The following PDE10A variants were observed in gnomAD, a reference collection of about 807,000 sequenced individuals.
PDE10A encodes phosphodiesterase 10A.
A neutral mutation model predicts 97.7 loss-of-function variants in PDE10A; 39 were observed. The ratio of observed to expected loss-of-function variants is 0.40; its 90% CI spans 0.31 to 0.52. The LOEUF is 0.52. Among genes scored for constraint, PDE10A ranks in the 20% least tolerant of loss-of-function variants. PDE10A has a pLI of 0.56. For missense variants in PDE10A, 731 were observed against 1,047.8 expected (o/e 0.70, Z 4.17); for synonymous variants, 371 against 376.8 (o/e 0.98, Z 0.18).
intron 1 of PDE10A, chr6:165,894,368 C>T (rs1781884515): frequency 1.3e-5 from 6 of 456,052 alleles, no homozygotes; most frequent in Middle Eastern, 3.3e-4. Context: ...CAGAAGGCCT[C>T]GACAGGCCAG....
At chr6:165,933,060 G>A (rs1005400292) in intron 1 of PDE10A, among the ~76,000 whole-genome samples, 3 of 152,192 alleles carry the variant, frequency 2.0e-5, no homozygotes, top group Non-Finnish European at 4.4e-5. Context: ...CCCTCCCCAG[G>A]TTTGTGGATA....
intron 1 of PDE10A, among the ~76,000 whole-genome samples, chr6:165,732,226 C>T (rs1372247962): frequency 6.6e-6 from 1 of 152,224 alleles, no homozygotes; most frequent in South Asian, 2.1e-4. Context: ...CTTTTCCACA[C>T]AGGATTTTTA....
intron 3 of PDE10A, 106 bp from the exon 4 acceptor site, chr6:165,450,468 A>T (rs1047147431): frequency 6.6e-6 from 3 of 454,948 alleles, no homozygotes; most frequent in Non-Finnish European, 1.1e-5. Context: ...TAATATACTA[A>T]GTTATTCATT....
intron 1 of PDE10A, among the ~76,000 whole-genome samples, chr6:165,722,918 A>G (rs1327659513): frequency 6.6e-6 from 1 of 151,946 alleles, no homozygotes; most frequent in East Asian, 1.9e-4. Context: ...ATATGTGTGT[A>G]TATATATTTT....
At chr6:165,496,934 T>C (rs1300797302) in intron 2 of PDE10A, among the ~76,000 whole-genome samples, 1 of 152,208 alleles carries the variant, frequency 6.6e-6, no homozygotes, top group Non-Finnish European at 1.5e-5. Context: ...TGGAAGAACA[T>C]GAGTCATGTA....
At chr6:165,761,320 C>T (rs530506719) in intron 1 of PDE10A, among the ~76,000 whole-genome samples, 2 of 152,164 alleles carry the variant, frequency 1.3e-5, no homozygotes, top group Admixed American at 6.5e-5. Context: ...AATTAAAATG[C>T]TAAAGAAATT....
chr6:165,518,151 G>C (rs1351001940), intron 2 of PDE10A, among the ~76,000 whole-genome samples: 1 of 152,120 alleles, frequency 6.6e-6, no homozygotes, highest in Non-Finnish European at 1.5e-5. Context: ...AAAAATCACA[G>C]CTTCGTTCAA....
At position 165,902,432 on chromosome 6, in the gene PDE10A, G is replaced by A. The variant is rs140589555; in HGVS notation, c.-615+85097C>T. Reference sequence around the variant, plus strand: ...TGACTGTTTTTTATCCCAATTGGTGGGTTGCTTTTGGCATCACATGACATG... The same window carrying A: ...TGACTGTTTTTTATCCCAATTGGTGAGTTGCTTTTGGCATCACATGACATG... On this transcript the variant is annotated intron_variant, in intron 1 of 19. Transcript: ENST00000366882. Among the ~76,000 whole-genome samples, 10 of 152,296 alleles carry A rather than the reference G, an allele frequency of 6.6e-5. No individual in the cohort carries two copies. In the East Asian group the frequency reaches 1.2e-3, roughly 18 times the overall value.
intron 2 of PDE10A, among the ~76,000 whole-genome samples, chr6:165,525,820 T>G (rs983722973): frequency 4.6e-5 from 7 of 152,184 alleles, no homozygotes; most frequent in Non-Finnish European, 8.8e-5. Context: ...TTCTTACTCG[T>G]GTAGAGCTCT....
At chr6:165,657,839 T>C (rs1790042508) in intron 1 of PDE10A, among the ~76,000 whole-genome samples, 1 of 152,194 alleles carries the variant, frequency 6.6e-6, no homozygotes, top group Non-Finnish European at 1.5e-5. Context: ...TACCAAAAAA[T>C]AGGTCACCCT....
chr6:165,687,434 G>A (rs1791152110), intron 1 of PDE10A, among the ~76,000 whole-genome samples: 1 of 152,170 alleles, frequency 6.6e-6, no homozygotes, highest in South Asian at 2.1e-4. Context: ...AACACCGTGA[G>A]AAAAAAGTTT....
chr6:165,592,153 A>C (rs530935780), intron 1 of PDE10A, among the ~76,000 whole-genome samples: 2 of 152,330 alleles, frequency 1.3e-5, no homozygotes, highest in Admixed American at 1.3e-4. Flanking sequence ...AAATAACGCC[A>C]CACATCTACA....
chr6:165,347,529 C>T (rs1051077983), intron 18 of PDE10A, among the ~76,000 whole-genome samples: 4 of 151,956 alleles, frequency 2.6e-5, no homozygotes, highest in East Asian at 3.9e-4. Flanking sequence ...AAATTATAAA[C>T]GAATGGAAAA....
At chr6:165,663,397 A>G (rs374473602), upstream of PDE10A, among the ~76,000 whole-genome samples, 74 of 152,238 alleles carry the variant, frequency 4.9e-4, no homozygotes, top group African/African-American at 1.7e-3. Flanking sequence ...GGACAGAGCA[A>G]CCGCTGCGTC....
At chr6:165,830,781 C>T (rs780347061) in intron 1 of PDE10A, among the ~76,000 whole-genome samples, 1 of 152,136 alleles carries the variant, frequency 6.6e-6, no homozygotes, top group African/African-American at 2.4e-5. Flanking sequence ...TTCAATTCTC[C>T]CCCATTTCTT....
chr6:165,379,127 T>C lies in PDE10A; in HGVS notation c.2783+67A>G. 10 of 1,084,594 alleles carry C rather than the reference T, an allele frequency of 9.2e-6. No homozygotes were observed. The South Asian group carries it at 1.5e-4, about 16-fold the overall frequency. 67.2% of individuals were successfully genotyped at this position (1,084,594 alleles called of 1,614,324 possible). On this transcript the variant is annotated intron_variant, in intron 18 of 21. Coordinates refer to ENST00000539869, the MANE Select transcript of PDE10A (RefSeq NM_001385079.1). ...AATATAAGCTTACGCCACATTACAT[T>C]TCTTAAGTATCAATTTATTCCAGAT... is the stretch of plus-strand genomic sequence containing the variant.
intron 1 of PDE10A, among the ~76,000 whole-genome samples, chr6:165,969,297 A>G (rs1562333990): frequency 6.6e-6 from 1 of 152,186 alleles, no homozygotes; most frequent in Admixed American, 6.5e-5. Flanking sequence ...CAGCTCTGCC[A>G]AAGATAGAGG....
intron 18 of PDE10A, among the ~76,000 whole-genome samples, chr6:165,353,407 TTA>T (rs1277396299): frequency 6.6e-6 from 1 of 152,192 alleles, no homozygotes; most frequent in African/African-American, 2.4e-5. Context: ...AGTTGGAAAT[TTA>T]TGTTTACACA....
chr6:165,803,106 T>C (rs1385062238), intron 1 of PDE10A, among the ~76,000 whole-genome samples: 1 of 152,234 alleles, frequency 6.6e-6, no homozygotes. Context: ...ACTTGACAAT[T>C]CCATCCTTTG....
Sources: gnomAD v4.1 joint callset for allele counts (sites outside exome capture counted in the v4.1 genomes callset) on GRCh38, gnomAD v4.1.1 for gene constraint, MANE v1.5 for transcripts, NCBI Gene and HGNC (gene_info 2026-07-23, HGNC 2026-07-21) for gene names.